The following PCDH15 variants were observed in gnomAD, a reference collection of about 807,000 sequenced individuals.
The protein encoded by PCDH15 is protocadherin related 15, also known as protocadherin-15.
A neutral mutation model predicts 178.5 loss-of-function variants in PCDH15; 129 were observed. The observed-to-expected ratio is 0.72, with a 90% CI of 0.63 to 0.84. PCDH15 has a LOEUF of 0.84. Ranked by LOEUF, PCDH15 falls within the 40% of genes least tolerant of loss-of-function variation. PCDH15 has a pLI of 0.00. For missense variants in PCDH15, 2,230 were observed against 2,099.9 expected, an observed-to-expected ratio of 1.06 and a Z score of -1.21; for synonymous variants, 800 against 732.0, an observed-to-expected ratio of 1.09 and a Z score of -1.50.
intron 1 of PCDH15, among the ~76,000 whole-genome samples, chr10:54,665,880 C>T (rs1382292235): frequency 6.6e-6 from 1 of 151,958 alleles, no homozygotes; most frequent in Admixed American, 6.6e-5. Context: ...ACAATCCACA[C>T]TAACCTGTAG....
At chr10:54,148,555 G>C (rs1372932479) in intron 14 of PCDH15, among the ~76,000 whole-genome samples, 2 of 151,922 alleles carry the variant, frequency 1.3e-5, no homozygotes, top group African/African-American at 4.8e-5. Flanking sequence ...GCACTTAGTT[G>C]AATCTACTGA....
intron 13 of PCDH15, among the ~76,000 whole-genome samples, chr10:54,171,141 A>C (rs1280887322): frequency 6.6e-6 from 1 of 152,000 alleles, no homozygotes; most frequent in Non-Finnish European, 1.5e-5. Flanking sequence ...TAGCCTTCCC[A>C]CCTCAATACA....
intron 5 of PCDH15, among the ~76,000 whole-genome samples, chr10:54,351,153 T>C (rs1944113729): frequency 6.6e-6 from 1 of 152,042 alleles, no homozygotes; most frequent in African/African-American, 2.4e-5. Flanking sequence ...ATATGTATAT[T>C]ATATTCAGAT....
chr10:54,547,030 A>G (rs529346405), intron 2 of PCDH15, among the ~76,000 whole-genome samples: 1 of 152,292 alleles, frequency 6.6e-6, no homozygotes. Flanking sequence ...TCAAAGGCAA[A>G]TACAAACCAG....
At chr10:55,450,766 G>C (rs1839416922) in intron 2 of PCDH15, among the ~76,000 whole-genome samples, 1 of 151,798 alleles carries the variant, frequency 6.6e-6, no homozygotes, top group Non-Finnish European at 1.5e-5. Flanking sequence ...TTTGTCTTGT[G>C]TGAGCTCACA....
intron 2 of PCDH15, among the ~76,000 whole-genome samples, chr10:55,584,446 C>T (rs866156839): frequency 1.3e-5 from 2 of 151,552 alleles, no homozygotes; most frequent in South Asian, 4.2e-4. Context: ...ATCACGAGGT[C>T]AAGAGATCGA....
At chr10:55,130,619 C>T (rs992146894) in intron 2 of PCDH15, among the ~76,000 whole-genome samples, 3 of 151,700 alleles carry the variant, frequency 2.0e-5, no homozygotes, top group Non-Finnish European at 2.9e-5. Flanking sequence ...ATTAAAGTAA[C>T]AAACCCTTTG....
At chr10:54,590,203 A>T (rs2091790021) in intron 2 of PCDH15, among the ~76,000 whole-genome samples, 1 of 152,170 alleles carries the variant, frequency 6.6e-6, no homozygotes, top group African/African-American at 2.4e-5. Context: ...CACCCATATG[A>T]CAATAAAGTG....
chr10:55,350,865 G>A (rs1844909953), intron 2 of PCDH15, among the ~76,000 whole-genome samples: 1 of 151,856 alleles, frequency 6.6e-6, no homozygotes, highest in African/African-American at 2.4e-5. Flanking sequence ...TCTACCAATT[G>A]GCTCTTCTCA....
chr10:54,519,109 T>C (rs1227025303), intron 3 of PCDH15, among the ~76,000 whole-genome samples: 1 of 152,180 alleles, frequency 6.6e-6, no homozygotes, highest in Non-Finnish European at 1.5e-5. Context: ...AACATCATAC[T>C]GAATGGGCAA....
chr10:54,523,381 A>G (rs1038268213), intron 3 of PCDH15, among the ~76,000 whole-genome samples: 1 of 152,180 alleles, frequency 6.6e-6, no homozygotes, highest in African/African-American at 2.4e-5. Flanking sequence ...TATTGAGTAT[A>G]CTTAACAGAT....
At chr10:54,944,149 T>G in intron 2 of PCDH15, among the ~76,000 whole-genome samples, 1 of 151,900 alleles carries the variant, frequency 6.6e-6, no homozygotes, top group African/African-American at 2.4e-5. Flanking sequence ...CATTTGAAAC[T>G]CATTTTTTAG....
intron 2 of PCDH15, among the ~76,000 whole-genome samples, chr10:55,407,954 A>G (rs145470634): frequency 0.012 from 1,815 of 152,254 alleles, 45 homozygotes; most frequent in African/African-American, 0.042. Context: ...TAGGTGGAGG[A>G]GAACATGTAA....
intron 1 of PCDH15, among the ~76,000 whole-genome samples, chr10:54,685,063 T>G (rs2094970758): frequency 6.6e-6 from 1 of 152,006 alleles, no homozygotes; most frequent in African/African-American, 2.4e-5. Flanking sequence ...TTTAAAGCAT[T>G]TTTTAAACCT....
chr10:54,256,973 TAA>T (rs2056940373), intron 8 of PCDH15, among the ~76,000 whole-genome samples: 2 of 152,260 alleles, frequency 1.3e-5, no homozygotes, highest in South Asian at 4.1e-4. Context: ...CCCTAGTACA[TAA>T]AACATTGTCC....
intron 26 of PCDH15, among the ~76,000 whole-genome samples, chr10:53,897,679 A>G (rs1346188368): frequency 6.6e-6 from 1 of 152,092 alleles, no homozygotes; most frequent in African/African-American, 2.4e-5. Context: ...GCCATTAAAC[A>G]ACAGCTTCCC....
intron 11 of PCDH15, among the ~76,000 whole-genome samples, chr10:54,189,919 ATGTGTATG>A (rs111455985): frequency 0.011 from 1,150 of 108,796 alleles, 18 homozygotes; most frequent in African/African-American, 0.029. Context: ...GTATACATGC[ATGTGTATG>A]TGTGTGTGTG....
At chr10:54,012,503 T>C (rs2092619509) in intron 20 of PCDH15, among the ~76,000 whole-genome samples, 1 of 152,114 alleles carries the variant, frequency 6.6e-6, no homozygotes. Flanking sequence ...TTCTCTTTCA[T>C]TCTTTTTAAA....
intron 32 of PCDH15, among the ~76,000 whole-genome samples, chr10:53,826,632 C>A (rs867988590): frequency 4.2e-4 from 64 of 152,000 alleles, no homozygotes; most frequent in African/African-American, 1.4e-3. Flanking sequence ...CTGAACATCA[C>A]CATAAGGAAT....
Sources: gnomAD v4.1 joint callset for allele counts (sites outside exome capture counted in the v4.1 genomes callset) on GRCh38, gnomAD v4.1.1 for gene constraint, MANE v1.5 for transcripts, NCBI Gene and HGNC (gene_info 2026-07-23, HGNC 2026-07-21) for gene names.